XIRP2: variants seen among roughly 807,000 people sequenced by gnomAD.
XIRP2 encodes xin actin-binding repeat-containing protein 2.
In XIRP2, 236 loss-of-function variants were observed where a neutral mutation model predicts 277.0. The ratio of observed to expected loss-of-function variants is 0.85; its 90% CI spans 0.77 to 0.95. The LOEUF is 0.95. XIRP2 is among the 40% of genes least tolerant of loss of function. XIRP2 has a pLI of 0.00. For synonymous variants in XIRP2, 1,490 were observed against 1,416.5 expected (o/e 1.05, Z -1.17); for missense variants, 4,640 against 4,157.5 (o/e 1.12, Z -3.19).
At chr2:167,034,904 G>A (rs143141678) in intron 2 of XIRP2, among the ~76,000 whole-genome samples, 15 of 152,130 alleles carry the variant, frequency 9.9e-5, no homozygotes, top group Non-Finnish European at 4.4e-5. Flanking sequence ...GGCCCCAGGT[G>A]GGGGAAATTC....
At chr2:167,187,354 C>T (rs1032656189) in intron 3 of XIRP2, 9 of 985,320 alleles carry the variant, frequency 9.1e-6, no homozygotes, top group African/African-American at 3.5e-5. Context: ...TAAATTCAGC[C>T]GTCCCATCTA....
At chr2:167,028,350 C>T (rs1389546241) in intron 2 of XIRP2, among the ~76,000 whole-genome samples, 1 of 151,978 alleles carries the variant, frequency 6.6e-6, no homozygotes, top group African/African-American at 2.4e-5. Context: ...TCAGGCAGCT[C>T]AGGACATACT....
chr2:166,903,789 A>C lies in XIRP2; in HGVS notation c.307A>C (p.Ser103Arg). The C allele has an allele frequency of 6.2e-7, 1 of 1,613,700 alleles. No homozygotes were observed. ...AGTGCTGAAGGAGGATTCCCTGAGCAGTCGGCGCAGGATTGAACGCTTTTC... is the reference window on the plus strand; with the variant it reads ...AGTGCTGAAGGAGGATTCCCTGAGCCGTCGGCGCAGGATTGAACGCTTTTC... ...PEVLKEDSLS[S>R]RRRIERFSIA... The change falls in exon 2 of 11, where the codon AGT becomes CGT. Residue 103 changes from serine (S) to arginine (R), a missense_variant. Ser to Arg is a moderately radical substitution (Grantham distance 110). Transcript: ENST00000409195.
Position 167,246,185 on chromosome 2 carries a change from A to G in XIRP2, c.4793A>G (p.Glu1598Gly). Residue 1598 changes from glutamate (E) to glycine (G), a missense_variant, in exon 9 of 11, where the codon GAA becomes GGA. Transcript: ENST00000409195. ...MNQASPEIQK[E>G]EIIRADLRNI... is the part of the protein sequence containing the mutation. ...CAAGCATCTCCTGAGATACAGAAAGAAGAAATTATCAGGGCTGATCTCAGA... is the reference window on the plus strand; with the variant it reads ...CAAGCATCTCCTGAGATACAGAAAGGAGAAATTATCAGGGCTGATCTCAGA... 6.2e-7 allele frequency: 1 copy of G among 1,612,354 alleles called. No individual in the cohort carries two copies. Among genetic ancestry groups the G allele is most frequent in the Non-Finnish European group, 8.5e-7 (1 of 1,179,474 alleles).
chr2:167,167,160 T>C (rs913176717), intron 3 of XIRP2, among the ~76,000 whole-genome samples: 2 of 152,232 alleles, frequency 1.3e-5, no homozygotes, highest in African/African-American at 4.8e-5. Context: ...TCCTGCTTTC[T>C]TTTAATTAAT....
chr2:167,082,566 T>G (rs895439040), intron 2 of XIRP2, among the ~76,000 whole-genome samples: 1 of 152,146 alleles, frequency 6.6e-6, no homozygotes, highest in African/African-American at 2.4e-5. Flanking sequence ...CCACCAACAG[T>G]GTAAAAGTGT....
At chr2:167,229,800 C>T in intron 5 of XIRP2, among the ~76,000 whole-genome samples, 1 of 152,194 alleles carries the variant, frequency 6.6e-6, no homozygotes, top group South Asian at 2.1e-4. Context: ...TTCCTAGAGC[C>T]ATGCTGTTGT....
In XIRP2 at chr2:167,251,735, G is replaced by C. The variant is rs200824426; in HGVS notation, c.10343G>C (p.Gly3448Ala). ...SSHSSEAGKS[G>A]CDFKHAPPTY... The stretch of plus-strand genomic sequence containing the variant: ...CATAGCTCAGAAGCTGGCAAATCTG[G>C]CTGTGACTTCAAGCATGCCCCACCA... The change falls in exon 9 of 11, where the codon GGC becomes GCC. Residue 3448 changes from glycine (G) to alanine (A), a missense_variant. Coordinates refer to ENST00000409195, the MANE Select transcript of XIRP2 (RefSeq NM_152381.6). The C allele has an allele frequency of 6.2e-7, 1 of 1,613,322 alleles. No individual in the cohort carries two copies. The highest frequency in any genetic ancestry group is 1.1e-5 in the South Asian group (1 of 91,058).
intron 2 of XIRP2, 63 bp downstream of exon 2, chr2:166,903,953 A>G: frequency 6.5e-7 from 1 of 1,536,380 alleles, no homozygotes; most frequent in African/African-American, 1.4e-5. Flanking sequence ...CCTACCATTT[A>G]TTACTAAGCA....
At chr2:167,182,204 C>A (rs1693035750) in intron 3 of XIRP2, among the ~76,000 whole-genome samples, 1 of 152,160 alleles carries the variant, frequency 6.6e-6, no homozygotes, top group African/African-American at 2.4e-5. Flanking sequence ...ATGGGTCATG[C>A]TACCTACAAG....
chr2:167,198,566 A>T (rs1201576271), intron 3 of XIRP2, among the ~76,000 whole-genome samples: 1 of 152,194 alleles, frequency 6.6e-6, no homozygotes, highest in Non-Finnish European at 1.5e-5. Flanking sequence ...TTGATTCTTA[A>T]CATTTCGGTT....
At chr2:167,101,039 T>A (rs1206635499) in intron 2 of XIRP2, among the ~76,000 whole-genome samples, 1 of 152,190 alleles carries the variant, frequency 6.6e-6, no homozygotes, top group Non-Finnish European at 1.5e-5. Flanking sequence ...AAAAAAAATC[T>A]TTTGAACGTT....
At chr2:166,988,318 T>C (rs1289337211) in intron 2 of XIRP2, among the ~76,000 whole-genome samples, 1 of 152,140 alleles carries the variant, frequency 6.6e-6, no homozygotes, top group Non-Finnish European at 1.5e-5. Flanking sequence ...TTTAGAAGTA[T>C]CAAGGCCTGA....
chr2:167,097,032 G>A (rs1419112697), intron 2 of XIRP2, among the ~76,000 whole-genome samples: 1 of 152,152 alleles, frequency 6.6e-6, no homozygotes, highest in African/African-American at 2.4e-5. Context: ...TTGATTTTGG[G>A]TGGAGAGTTC....
intron 2 of XIRP2, among the ~76,000 whole-genome samples, chr2:166,957,208 C>A (rs1390292994): frequency 6.6e-6 from 1 of 151,430 alleles, no homozygotes; most frequent in Non-Finnish European, 1.5e-5. Context: ...ATTTTATGAT[C>A]TCAAAATGGT....
At chr2:167,165,513 T>C (rs1381539159) in intron 3 of XIRP2, among the ~76,000 whole-genome samples, 1 of 152,236 alleles carries the variant, frequency 6.6e-6, no homozygotes, top group Non-Finnish European at 1.5e-5. Flanking sequence ...AATTTGATGT[T>C]GTCTGTTGCT....
chr2:167,246,708 G>C lies in XIRP2; in HGVS notation c.5316G>C (p.Lys1772Asn). ...HTESNETLTA[K>N]KQEGEKEIIG... is the part of the protein sequence containing the mutation. The stretch of plus-strand genomic sequence containing the variant: ...AGTCAAATGAAACACTGACAGCTAA[G>C]AAACAAGAAGGAGAGAAAGAAATCA... Residue 1772 changes from lysine (K) to asparagine (N), a missense_variant, in exon 9 of 11, where the codon AAG (lysine) becomes AAC (asparagine). Physicochemically the swap from Lys to Asn is moderately conservative, Grantham distance 94. Transcript: ENST00000409195. The C allele has an allele frequency of 6.2e-7, 1 of 1,613,706 alleles. No homozygotes were observed. The highest frequency in any genetic ancestry group is 8.5e-7 in the Non-Finnish European group (1 of 1,179,810).
At chr2:167,086,301 C>T (rs1220939301) in intron 2 of XIRP2, among the ~76,000 whole-genome samples, 3 of 152,146 alleles carry the variant, frequency 2.0e-5, no homozygotes. Flanking sequence ...AGGGTTTCTG[C>T]TGAGAGATCC....
At position 167,248,252 on chromosome 2, in the gene XIRP2, G is replaced by C. The variant is rs569070782; in HGVS notation, c.6860G>C (p.Cys2287Ser). The C allele has an allele frequency of 3.7e-6, 6 of 1,611,716 alleles. No individual in the cohort carries two copies. In the South Asian group the frequency reaches 5.5e-5, roughly 15 times the overall value. Residue 2287 changes from cysteine (C) to serine (S), a missense_variant, in exon 9 of 11, where the codon TGC becomes TCC. Cys to Ser is a moderately radical substitution (Grantham distance 112). Coordinates refer to ENST00000409195, the MANE Select transcript of XIRP2 (RefSeq NM_152381.6). ...GAGAATAATGTAAAAGAAAGTGAGTGCCCCCTTCCACCTCCATCTCCACCT... is the reference window on the plus strand; with the variant it reads ...GAGAATAATGTAAAAGAAAGTGAGTCCCCCCTTCCACCTCCATCTCCACCT... ...NPENNVKESECPLPPPSPPPP... is the reference protein window; with the variant it reads ...NPENNVKESESPLPPPSPPPP...
Sources: gnomAD v4.1 joint callset for allele counts (sites outside exome capture counted in the v4.1 genomes callset) on GRCh38, gnomAD v4.1.1 for gene constraint, MANE v1.5 for transcripts, NCBI Gene and HGNC (gene_info 2026-07-23, HGNC 2026-07-21) for gene names.